The following NFKB1 variants were observed in gnomAD, a reference collection of about 807,000 sequenced individuals.
NFKB1 encodes nuclear factor kappa B subunit 1, also known as nuclear factor NF-kappa-B p105 subunit.
A neutral mutation model predicts 105.1 loss-of-function variants in NFKB1; 9 were observed. That is an observed-to-expected ratio of 0.09 (90% CI 0.05 to 0.15). NFKB1 has a LOEUF of 0.15. Among genes scored for constraint, NFKB1 ranks in the 10% least tolerant of loss-of-function variants. The pLI is 1.00. For missense variants in NFKB1, 830 were observed against 1,203.7 expected (o/e 0.69, Z 4.59); for synonymous variants, 440 against 442.2 (o/e 1.00, Z 0.06).
In NFKB1 at chr4:102,612,041, C is replaced by A; in HGVS notation, c.2353-3C>A. On this transcript the variant is annotated splice_polypyrimidine_tract_variant and splice_region_variant and intron_variant, in intron 20 of 23. Transcript: ENST00000226574. ...CGATTTCTGGTGTTTTTCTTTCCAA[C>A]AGGTATTTGACATATTAAATGGGAA... The A allele has an allele frequency of 6.2e-7, 1 of 1,612,866 alleles. No homozygotes were observed. The highest frequency in any genetic ancestry group is 8.5e-7 in the Non-Finnish European group (1 of 1,178,902).
At chr4:102,540,374 G>A (rs1482436945) in intron 5 of NFKB1, among the ~76,000 whole-genome samples, 2 of 152,076 alleles carry the variant, frequency 1.3e-5, no homozygotes, top group East Asian at 3.8e-4. Context: ...TGCTGCCTCA[G>A]TCACAAAATA....
chr4:102,590,239 C>G (rs1726059813), intron 11 of NFKB1, among the ~76,000 whole-genome samples: 1 of 152,144 alleles, frequency 6.6e-6, no homozygotes, highest in Admixed American at 6.6e-5. Context: ...GATGAACTTC[C>G]TAAAATACCA....
chr4:102,582,408 G>A (rs1725380175), intron 9 of NFKB1, among the ~76,000 whole-genome samples: 1 of 152,160 alleles, frequency 6.6e-6, no homozygotes, highest in Non-Finnish European at 1.5e-5. Context: ...TTGTGGTGAG[G>A]ATGAAATCAG....
At chr4:102,502,386 G>A (rs1269835769) in intron 1 of NFKB1, among the ~76,000 whole-genome samples, 3 of 102,114 alleles carry the variant, frequency 2.9e-5, no homozygotes, top group African/African-American at 1.9e-4. Context: ...GCGCGCGCGC[G>A]CGCGCACACA....
intron 5 of NFKB1, among the ~76,000 whole-genome samples, chr4:102,550,676 C>T (rs1185815504): frequency 6.6e-6 from 1 of 152,198 alleles, no homozygotes; most frequent in Non-Finnish European, 1.5e-5. Context: ...CCAATATCTG[C>T]AAGCTTACTA....
At chr4:102,506,953 G>T (rs1048346281) in intron 1 of NFKB1, among the ~76,000 whole-genome samples, 1 of 148,954 alleles carries the variant, frequency 6.7e-6, no homozygotes, top group Non-Finnish European at 1.5e-5. Flanking sequence ...CAACAAAAAA[G>T]GTTATATATA....
chr4:102,603,067 A>G (rs1011274311), intron 16 of NFKB1, among the ~76,000 whole-genome samples: 2 of 152,098 alleles, frequency 1.3e-5, no homozygotes, highest in African/African-American at 2.4e-5. Flanking sequence ...GCACAACAGG[A>G]TTAGTAGCTG....
At position 102,506,394 on chromosome 4, in the gene NFKB1, C is replaced by T. The variant is rs538168274; in HGVS notation, c.-8+4606C>T. ...TTATGTTACCTCTAGAATTAAACAC[C>T]TATCACCCATAAATCTGTGACTGTT... On this transcript the variant is annotated intron_variant, in intron 1 of 23. Coordinates refer to ENST00000226574, the MANE Select transcript of NFKB1 (RefSeq NM_003998.4). 5.6e-4 allele frequency among the ~76,000 whole-genome samples: 85 copies of T among 152,248 alleles called. No homozygotes were observed. The Middle Eastern group carries it at 0.017, about 30-fold the overall frequency.
chr4:102,525,207 A>G (rs1241902139), intron 1 of NFKB1, among the ~76,000 whole-genome samples: 1 of 152,124 alleles, frequency 6.6e-6, no homozygotes, highest in Non-Finnish European at 1.5e-5. Flanking sequence ...GAATCCCAGT[A>G]TGTATGATTT....
intron 1 of NFKB1, among the ~76,000 whole-genome samples, chr4:102,524,981 C>A (rs1410350531): frequency 6.6e-6 from 1 of 152,272 alleles, no homozygotes; most frequent in East Asian, 1.9e-4. Context: ...GGGACGCCTG[C>A]ACTAGAGGAC....
At position 102,578,991 on chromosome 4, in the gene NFKB1, T is replaced by C. The variant is rs781361488; in HGVS notation, c.682T>C (p.Phe228Leu). ...TTTTCTTCCGGATAGCACTGGCAGC[T>C]TCACAAGGCGCCTGGAACCCGTGGT... Reference protein sequence around the residue: ...TAFLPDSTGSFTRRLEPVVSD... With the variant: ...TAFLPDSTGSLTRRLEPVVSD... Residue 228 changes from phenylalanine to leucine, a missense_variant, in exon 8 of 24, where the codon TTC (phenylalanine) becomes CTC (leucine). By Grantham distance (22) the Phe-to-Leu change is conservative. This residue lies in a region of NFKB1 where 80 missense variants were observed against 122.6 expected (regional missense o/e 0.65). Coordinates refer to ENST00000226574, the MANE Select transcript of NFKB1 (RefSeq NM_003998.4). The C allele has an allele frequency of 9.3e-6, 15 of 1,613,980 alleles. No homozygotes were observed. The South Asian group carries it at 1.3e-4, about 14-fold the overall frequency.
chr4:102,614,771 G>A (rs1472478298), intron 23 of NFKB1, among the ~76,000 whole-genome samples: 1 of 151,950 alleles, frequency 6.6e-6, no homozygotes, highest in Non-Finnish European at 1.5e-5. Context: ...CACTCCCCTG[G>A]CTGGCTCTTC....
At chr4:102,570,001 A>G (rs1724195679) in intron 6 of NFKB1, among the ~76,000 whole-genome samples, 1 of 152,226 alleles carries the variant, frequency 6.6e-6, no homozygotes. Context: ...AATATCAACA[A>G]TTTGTTTCAA....
intron 3 of NFKB1, among the ~76,000 whole-genome samples, chr4:102,530,161 A>T (rs2149118788): frequency 1.3e-5 from 2 of 152,284 alleles, no homozygotes; most frequent in East Asian, 3.9e-4. Flanking sequence ...GAATTTCTTT[A>T]GTCAACATAA....
At chr4:102,567,260 T>C in intron 6 of NFKB1, 125 bp downstream of exon 6, 1 of 961,366 alleles carries the variant, frequency 1.0e-6, no homozygotes, top group Non-Finnish European at 1.5e-6. Context: ...CTCAAAAAAC[T>C]GTGTAAACTT....
intron 10 of NFKB1, among the ~76,000 whole-genome samples, chr4:102,583,701 A>G (rs1404964967): frequency 6.6e-6 from 1 of 151,890 alleles, no homozygotes; most frequent in Non-Finnish European, 1.5e-5. Context: ...TTAAATGATC[A>G]GTTTAATCAT....
intron 11 of NFKB1, among the ~76,000 whole-genome samples, chr4:102,588,677 TA>T (rs906526620): frequency 6.6e-6 from 1 of 152,178 alleles, no homozygotes; most frequent in Non-Finnish European, 1.5e-5. Context: ...AACTATTATC[TA>T]AAGTCATCAA....
intron 1 of NFKB1, among the ~76,000 whole-genome samples, chr4:102,516,702 T>G (rs1409516056): frequency 6.6e-6 from 1 of 152,188 alleles, no homozygotes; most frequent in East Asian, 1.9e-4. Context: ...TTTGTGTCAT[T>G]TTTTTTCTCA....
chr4:102,600,379 T>C (rs866579774), intron 15 of NFKB1, among the ~76,000 whole-genome samples: 2 of 152,204 alleles, frequency 1.3e-5, no homozygotes, highest in Non-Finnish European at 2.9e-5. Flanking sequence ...TTCTCCACTC[T>C]TGGGATCTGG....
Sources: allele counts gnomAD v4.1 joint callset (sites outside exome capture counted in the v4.1 genomes callset), GRCh38; gene constraint gnomAD v4.1.1; regional missense constraint gnomAD v4.1.1; transcripts MANE v1.5; gene names NCBI Gene and HGNC (gene_info 2026-07-23, HGNC 2026-07-21).